Variants in ABCC8 observed in about 807,000 individuals in gnomAD.
The protein encoded by ABCC8 is ATP binding cassette subfamily C member 8.
In ABCC8, 137 loss-of-function variants were observed where a neutral mutation model predicts 188.0. The observed-to-expected ratio is 0.73, with a 90% CI of 0.63 to 0.84. The LOEUF (loss-of-function observed/expected upper bound fraction) is 0.84. Among genes scored for constraint, ABCC8 ranks in the 40% least tolerant of loss-of-function variants. The pLI, the probability that ABCC8 is intolerant of heterozygous loss-of-function variation, is 0.00. For missense variants in ABCC8, 1,750 were observed against 2,072.7 expected, an observed-to-expected ratio of 0.84 and a Z score of 3.02; for synonymous variants, 797 against 846.5, an observed-to-expected ratio of 0.94 and a Z score of 1.01.
intron 6 of ABCC8, among the ~76,000 whole-genome samples, chr11:17,456,402 A>T (rs1231542619): frequency 6.6e-6 from 1 of 151,978 alleles, no homozygotes; most frequent in Non-Finnish European, 1.5e-5. Flanking sequence ...AGCACTCCCG[A>T]CTCTACAGTT....
In ABCC8 at chr11:17,428,615, C is replaced by A; in HGVS notation, c.1873G>T (p.Ala625Ser). The A allele has an allele frequency of 6.2e-7, 1 of 1,614,094 alleles. No individual in the cohort carries two copies. Among genetic ancestry groups the A allele is most frequent in the Non-Finnish European group, 8.5e-7 (1 of 1,180,038 alleles). Residue 625 changes from alanine to serine, a missense_variant, in exon 13 of 39, where the codon GCC becomes TCC. By Grantham distance (99) the Ala-to-Ser change is moderately conservative. Transcript: ENST00000389817. Reference protein sequence around the residue: ...SSAEIREEQCAPHEPTPQGPA... With the variant: ...SSAEIREEQCSPHEPTPQGPA... The stretch of plus-strand genomic sequence containing the variant: ...CCCTGAGGTGTGGGCTCATGGGGGG[C>A]ACACTGCTCCTCACGGATCTCTGCA...
chr11:17,436,189 T>A (rs780177775), intron 10 of ABCC8: 1 of 718,598 alleles, frequency 1.4e-6, no homozygotes, highest in African/African-American at 1.7e-5. Context: ...CATCTTGGGT[T>A]CTGGTCTGGA....
At chr11:17,448,356 G>A (rs990220050) in intron 8 of ABCC8, 160 bp downstream of exon 8, 38 of 698,532 alleles carry the variant, frequency 5.4e-5, no homozygotes, top group African/African-American at 1.7e-5. Context: ...TATGGGACAG[G>A]AGGGACCCAG....
chr11:17,453,711 A>C (rs540710209), intron 6 of ABCC8, among the ~76,000 whole-genome samples: 40 of 152,302 alleles, frequency 2.6e-4, no homozygotes, highest in Non-Finnish European at 3.5e-4. Context: ...CGAACTTACC[A>C]ACAGCCTGTA....
chr11:17,447,673 C>T (rs1163754172), intron 8 of ABCC8, among the ~76,000 whole-genome samples: 1 of 152,154 alleles, frequency 6.6e-6, no homozygotes, highest in Admixed American at 6.5e-5. Flanking sequence ...GATTGTAGCT[C>T]ACTGCAACCT....
At chr11:17,409,933 G>A (rs1030603881) in intron 22 of ABCC8, among the ~76,000 whole-genome samples, 1 of 152,056 alleles carries the variant, frequency 6.6e-6, no homozygotes, top group African/African-American at 2.4e-5. Context: ...CCAGGCTGTA[G>A]TGGAGTGCAG....
intron 29 of ABCC8, among the ~76,000 whole-genome samples, chr11:17,399,793 C>A (rs904337600): frequency 6.6e-6 from 1 of 152,220 alleles, no homozygotes; most frequent in Non-Finnish European, 1.5e-5. Flanking sequence ...ACTCCCCTGA[C>A]CCTCTGAAAT....
At chr11:17,440,308 C>T (rs1956265285) in intron 10 of ABCC8, among the ~76,000 whole-genome samples, 1 of 152,200 alleles carries the variant, frequency 6.6e-6, no homozygotes, top group Non-Finnish European at 1.5e-5. Context: ...GGAACTGTCT[C>T]TAAACCTGTA....
chr11:17,451,171 A>G (rs77995684), intron 7 of ABCC8, among the ~76,000 whole-genome samples: 1,927 of 152,304 alleles, frequency 0.013, 42 homozygotes, highest in African/African-American at 0.044. Flanking sequence ...ACACATTAGT[A>G]TATTTAATTA....
Position 17,393,510 on chromosome 11 carries a change from C to G in ABCC8, c.4608+187G>C, listed in dbSNP as rs117727754. Among the ~76,000 whole-genome samples the G allele has an allele frequency of 8.4e-3, 1,277 of 152,262 alleles. 8 individuals are homozygous for G. Among genetic ancestry groups the G allele is most frequent in the Middle Eastern group, 0.027 (8 of 294 alleles). On this transcript the variant is annotated intron_variant, in intron 38 of 38. Transcript: ENST00000389817. ...GAGGGAAGCACAGGGGCAAAACCCC[C>G]CACCCCAAATCCTGCAACCCAGGCT...
intron 4 of ABCC8, among the ~76,000 whole-genome samples, chr11:17,462,402 G>T (rs1957226402): frequency 6.6e-6 from 1 of 152,162 alleles, no homozygotes; most frequent in Non-Finnish European, 1.5e-5. Context: ...GTTCGAAAGG[G>T]CTGTAGCCCT....
At chr11:17,408,758 T>C (rs1015314783) in intron 22 of ABCC8, among the ~76,000 whole-genome samples, 1 of 152,122 alleles carries the variant, frequency 6.6e-6, no homozygotes, top group Non-Finnish European at 1.5e-5. Flanking sequence ...CAGAGCAAAT[T>C]AGTGCATCCT....
At chr11:17,407,215 G>A (rs1027637627) in intron 24 of ABCC8, 86 bp from the exon 25 acceptor site, 1 of 1,605,144 alleles carries the variant, frequency 6.2e-7, no homozygotes, top group African/African-American at 1.3e-5. Context: ...ACTTACTGAG[G>A]GGACAACGGG....
At chr11:17,452,655 T>TA (rs2133639872) in intron 7 of ABCC8, among the ~76,000 whole-genome samples, 1 of 152,304 alleles carries the variant, frequency 6.6e-6, no homozygotes, top group African/African-American at 2.4e-5. Flanking sequence ...CATGGACCAA[T>TA]ACCCCATCTT....
intron 21 of ABCC8, among the ~76,000 whole-genome samples, chr11:17,412,038 G>A (rs1006523660): frequency 1.3e-5 from 2 of 151,814 alleles, no homozygotes; most frequent in African/African-American, 4.8e-5. Context: ...GACTACAGGC[G>A]CCCGCCACCG....
chr11:17,450,934 G>T (rs558981822), intron 7 of ABCC8, among the ~76,000 whole-genome samples: 1 of 151,854 alleles, frequency 6.6e-6, no homozygotes, highest in African/African-American at 2.4e-5. Context: ...TGATCCACCC[G>T]CCTCAGCCTC....
chr11:17,472,831 G>A (rs972092302), intron 2 of ABCC8, among the ~76,000 whole-genome samples: 1 of 152,072 alleles, frequency 6.6e-6, no homozygotes, highest in African/African-American at 2.4e-5. Flanking sequence ...GCCACTCCGG[G>A]CTCTGCACCC....
In ABCC8 at chr11:17,465,511, C is replaced by T. The variant is rs1848095698; in HGVS notation, c.413-1907G>A. The T allele has an allele frequency of 1.3e-5, 2 of 152,202 alleles. 1 individual carries two copies. The highest frequency in any genetic ancestry group is 4.8e-5 in the African/African-American group (2 of 41,430). The allele number at this position is 152,202 out of a possible 1,614,324, so 9.4% of individuals were successfully genotyped here. A position where few individuals can be genotyped will look rare whatever the true frequency, so the allele number is the denominator to read the frequency against. Reference sequence around the variant, plus strand: ...TAGGCCCAGAGGTTTTTTGCATAGTCCTGTCCTGCAGTGCTGAGTGCTCAG... The same window carrying T: ...TAGGCCCAGAGGTTTTTTGCATAGTTCTGTCCTGCAGTGCTGAGTGCTCAG... On this transcript the variant is annotated intron_variant, in intron 3 of 38. Transcript: ENST00000389817.
intron 8 of ABCC8, among the ~76,000 whole-genome samples, chr11:17,444,594 G>A (rs1956453535): frequency 2.6e-5 from 4 of 152,162 alleles, no homozygotes. Context: ...AAGACTCCTT[G>A]GTCCATTACT....
Sources: gnomAD v4.1 joint callset for allele counts (sites outside exome capture counted in the v4.1 genomes callset) on GRCh38, gnomAD v4.1.1 for gene constraint, MANE v1.5 for transcripts, NCBI Gene and HGNC (gene_info 2026-07-23, HGNC 2026-07-21) for gene names.